ZNF724: variants seen among roughly 807,000 people sequenced by gnomAD.
The protein encoded by ZNF724 is zinc finger protein 724 pseudogene.
Under a neutral mutation model 29.3 loss-of-function variants are expected in ZNF724, and 14 were observed. The ratio of observed to expected loss-of-function variants is 0.48; its 90% confidence interval spans 0.32 to 0.75. The LOEUF (loss-of-function observed/expected upper bound fraction) is 0.75, where lower values mean the gene tolerates loss of function less well. ZNF724 is among the 30% of genes least tolerant of loss of function. ZNF724 has a pLI of 0.04. For missense variants in ZNF724, 557 were observed against 571.2 expected (o/e 0.98, Z 0.25); for synonymous variants, 180 against 193.6 (o/e 0.93, Z 0.58).
intron 1 of ZNF724, among the ~76,000 whole-genome samples, chr19:23,248,307 A>G (rs1972278394): frequency 6.6e-6 from 1 of 152,204 alleles, no homozygotes; most frequent in Non-Finnish European, 1.5e-5. Flanking sequence ...AGGGAAAGAA[A>G]GTTGACAGTT....
intron 1 of ZNF724, among the ~76,000 whole-genome samples, chr19:23,240,889 C>T (rs1358957563): frequency 6.6e-6 from 1 of 151,892 alleles, no homozygotes; most frequent in Non-Finnish European, 1.5e-5. Context: ...AAAATTAGGC[C>T]AGGTGTGGCG....
chr19:23,239,066 T>C (rs1254276384), intron 1 of ZNF724, among the ~76,000 whole-genome samples: 2 of 152,094 alleles, frequency 1.3e-5, no homozygotes, highest in East Asian at 3.9e-4. Context: ...TGAGTGCATA[T>C]GAATAAAGCA....
intron 1 of ZNF724, among the ~76,000 whole-genome samples, chr19:23,245,241 C>T (rs1424666237): frequency 6.6e-6 from 1 of 152,298 alleles, no homozygotes; most frequent in East Asian, 1.9e-4. Context: ...AGTTTATCTC[C>T]TTCCCACAGC....
In ZNF724 at chr19:23,222,386, TA is replaced by T. The variant is rs376565770; in HGVS notation, c.1858del (p.Ter620LysfsTer30). The T allele has an allele frequency of 2.5e-4, 274 of 1,110,144 alleles. 1 individual carries two copies. In the African/African-American group the frequency reaches 3.9e-3, roughly 16 times the overall value. 68.8% of individuals were successfully genotyped at this position (1,110,144 alleles called of 1,614,324 possible). On this transcript the variant is annotated frameshift_variant and stop_lost, in exon 4 of 4. Coordinates refer to ENST00000418100, the MANE Select transcript of ZNF724 (RefSeq NM_001355404.2). LOFTEE classifies it high-confidence loss of function. ...KIHAVEKSDK[*>X] ...GCCACCACGCCTGGTCCATTTTTCT[TA>T]TTTGTCAGATTTTTCTACAGCATGA... is the stretch of plus-strand genomic sequence containing the variant.
intron 3 of ZNF724, among the ~76,000 whole-genome samples, chr19:23,228,002 C>G (rs1356738468): frequency 6.6e-6 from 1 of 152,056 alleles, no homozygotes; most frequent in Non-Finnish European, 1.5e-5. Flanking sequence ...GAATTCCTGA[C>G]AAAAATGCCT....
At chr19:23,233,697 G>GA (rs1277471821) in intron 1 of ZNF724, among the ~76,000 whole-genome samples, 4 of 149,738 alleles carry the variant, frequency 2.7e-5, no homozygotes, top group Admixed American at 6.7e-5. Flanking sequence ...TCATTAGGGA[G>GA]AAAAAAACAC....
Position 23,222,379 on chromosome 19 carries a change from T to G in ZNF724, c.*6A>C, listed in dbSNP as rs750113452. 3.4e-5 allele frequency: 36 copies of G among 1,067,880 alleles called. No individual in the cohort carries two copies. Among genetic ancestry groups the G allele is most frequent in the Middle Eastern group, 2.0e-4 (1 of 5,020 alleles). The allele number at this position is 1,067,880 out of a possible 1,614,324, so 66.2% of individuals were successfully genotyped here. On this transcript the variant is annotated 3_prime_UTR_variant, in exon 4 of 4. Coordinates refer to ENST00000418100, the MANE Select transcript of ZNF724 (RefSeq NM_001355404.2). Reference sequence around the variant, plus strand: ...GGTGTGAGCCACCACGCCTGGTCCATTTTTCTTATTTGTCAGATTTTTCTA... The same window carrying G: ...GGTGTGAGCCACCACGCCTGGTCCAGTTTTCTTATTTGTCAGATTTTTCTA...
rs1380628956 is a variant in ZNF724, at chr19:23,250,252, T to A, written c.-10A>T. The stretch of plus-strand genomic sequence containing the variant: ...CCGCCACTCTCACCATTTCTAGGCT[T>A]CCAGGGGAGGCCCTGGCGTCTTAGC... On this transcript the variant is annotated 5_prime_UTR_variant, in exon 1 of 4. Transcript: ENST00000418100. 2 of 691,144 alleles carry A rather than the reference T, an allele frequency of 2.9e-6. No individual in the cohort carries two copies. The highest frequency in any genetic ancestry group is 1.3e-5 in the South Asian group (1 of 75,192). 42.8% of individuals were successfully genotyped at this position (691,144 alleles called of 1,614,324 possible). A position where few individuals can be genotyped will look rare whatever the true frequency, so the allele number is the denominator to read the frequency against.
Position 23,250,381 on chromosome 19 carries a change from C to T in ZNF724, c.-139G>A. 2.2e-6 allele frequency: 1 copy of T among 459,564 alleles called. No individual in the cohort carries two copies. Among genetic ancestry groups the T allele is most frequent in the Admixed American group, 2.7e-5 (1 of 37,632 alleles). The allele number at this position is 459,564 out of a possible 1,614,324, so 28.5% of individuals were successfully genotyped here. A position where few individuals can be genotyped will look rare whatever the true frequency, so the allele number is the denominator to read the frequency against. On this transcript the variant is annotated 5_prime_UTR_variant, in exon 1 of 4. Coordinates refer to ENST00000418100, the MANE Select transcript of ZNF724 (RefSeq NM_001355404.2). ...ACGAGACCAAGCGCTCCAGCTGCAG[C>T]GAGAGACAAAGGCCCCGCCAAATCC... is the stretch of plus-strand genomic sequence containing the variant.
Position 23,222,199 on chromosome 19 carries a change from G to T in ZNF724, c.*186C>A. The T allele has an allele frequency of 1.9e-6, 1 of 524,854 alleles. No individual in the cohort carries two copies. The highest frequency in any genetic ancestry group is 3.4e-6 in the Non-Finnish European group (1 of 296,696). 32.5% of individuals were successfully genotyped at this position (524,854 alleles called of 1,614,324 possible). Reference sequence around the variant, plus strand: ...CAATCAAGTATGACAACCATTTAAAGGTGTTTAGAAATATTGAGGTGTTGT... The same window carrying T: ...CAATCAAGTATGACAACCATTTAAATGTGTTTAGAAATATTGAGGTGTTGT... On this transcript the variant is annotated 3_prime_UTR_variant, in exon 4 of 4. Transcript: ENST00000418100.
intron 1 of ZNF724, chr19:23,242,463 C>T (rs1164706729): frequency 6.6e-6 from 1 of 152,010 alleles, no homozygotes; most frequent in Admixed American, 6.6e-5. Flanking sequence ...GGCGTGTAAT[C>T]CCAGCACTTT....
At chr19:23,224,709 A>G (rs1400934620) in intron 3 of ZNF724, among the ~76,000 whole-genome samples, 1 of 49,482 alleles carries the variant, frequency 2.0e-5, no homozygotes, top group East Asian at 6.6e-4. Context: ...TAATCCCAAC[A>G]CTTTGGCGTG....
At chr19:23,250,087 G>A (rs1972324320) in intron 1 of ZNF724, among the ~76,000 whole-genome samples, 153 bp downstream of exon 1, 1 of 152,228 alleles carries the variant, frequency 6.6e-6, no homozygotes, top group Non-Finnish European at 1.5e-5. Flanking sequence ...CCATCTTATG[G>A]CTGAAGGGGA....
chr19:23,232,107 C>T (rs936656176), intron 2 of ZNF724, 60 bp downstream of exon 2: 5 of 1,204,654 alleles, frequency 4.2e-6, no homozygotes, highest in South Asian at 1.3e-5. Flanking sequence ...AAACATCCTA[C>T]AAAAAAACAA....
At chr19:23,235,936 CAA>C (rs1435332804) in intron 1 of ZNF724, among the ~76,000 whole-genome samples, 3 of 151,994 alleles carry the variant, frequency 2.0e-5, no homozygotes, top group African/African-American at 7.3e-5. Flanking sequence ...ATTGCAAAGA[CAA>C]AAAGACACTC....
rs1274836787 is a variant in ZNF724 at position 23,221,611 on chromosome 19, A to AGCTGGAGTGCCCAG, written c.*760_*773dup. 6 of 151,928 alleles carry AGCTGGAGTGCCCAG rather than the reference A, an allele frequency of 3.9e-5. No homozygotes were observed. The highest frequency in any genetic ancestry group is 5.9e-5 in the Non-Finnish European group (4 of 68,006). The allele number at this position is 151,928 out of a possible 1,614,324, so 9.4% of individuals were successfully genotyped here. On this transcript the variant is annotated 3_prime_UTR_variant, in exon 4 of 4. Coordinates refer to ENST00000418100, the MANE Select transcript of ZNF724 (RefSeq NM_001355404.2). The stretch of plus-strand genomic sequence containing the variant: ...TTTTTTTTTCTTTGAGATGGAGTGC[A>AGCTGGAGTGCCCAG]GCTGGAGTGCCCAGGCTGGAGTGTG...
chr19:23,243,942 AT>A (rs1271522443), intron 1 of ZNF724, among the ~76,000 whole-genome samples: 1 of 83,848 alleles, frequency 1.2e-5, no homozygotes, highest in Admixed American at 1.7e-4. Context: ...AAAAAATTAA[AT>A]TAAATAAATA....
intron 3 of ZNF724, among the ~76,000 whole-genome samples, chr19:23,229,272 G>C (rs1022062963): frequency 6.6e-6 from 1 of 151,992 alleles, no homozygotes; most frequent in African/African-American, 2.4e-5. Context: ...AACTTACCCC[G>C]TAACCATCTC....
rs1971965542 is a variant in ZNF724, at chr19:23,233,076, AACACACAGAAGG to A, written c.4-795_4-784del. Among the ~76,000 whole-genome samples the A allele has an allele frequency of 1.3e-5, 2 of 152,210 alleles. 1 individual carries two copies. Among genetic ancestry groups the A allele is most frequent in the South Asian group, 4.1e-4 (2 of 4,832 alleles). On this transcript the variant is annotated intron_variant, in intron 1 of 3. Coordinates refer to ENST00000418100, the MANE Select transcript of ZNF724 (RefSeq NM_001355404.2). ...AGGACAAATTTTTACGGTGTGCTAA[AACACACAGAAGG>A]ACACACAGCATCACTGCTGGAATAT...
Sources: gnomAD v4.1 joint callset for allele counts (sites outside exome capture counted in the v4.1 genomes callset) on GRCh38, gnomAD v4.1.1 for gene constraint, MANE v1.5 for transcripts, NCBI Gene and HGNC (gene_info 2026-07-23, HGNC 2026-07-21) for gene names.